Variants in CDH12 observed in about 807,000 individuals in gnomAD.
The protein encoded by CDH12 is cadherin-12.
CDH12 carries 41 observed loss-of-function variants against 74.1 expected under a neutral mutation model. The observed-to-expected ratio is 0.55, with a 90% CI of 0.43 to 0.72. The LOEUF is 0.72. Ranked by LOEUF, CDH12 falls within the 30% of genes least tolerant of loss-of-function variation. The pLI is 0.00. For synonymous variants in CDH12, 399 were observed against 355.0 expected (o/e 1.12, Z -1.39); for missense variants, 945 against 977.2 (o/e 0.97, Z 0.44).
At chr5:21,930,375 T>G (rs10473565) in intron 6 of CDH12, among the ~76,000 whole-genome samples, 107,777 of 152,068 alleles carry the variant, frequency 0.71, 39,969 homozygotes, top group East Asian at 0.93. Flanking sequence ...GAGAGTGATT[T>G]TACATTATGT....
intron 3 of CDH12, among the ~76,000 whole-genome samples, chr5:22,233,290 T>C (rs181713563): frequency 2.0e-5 from 3 of 149,952 alleles, no homozygotes; most frequent in African/African-American, 7.5e-5. Context: ...CATAGATACA[T>C]AGACAAGCAA....
At chr5:22,745,685 C>T (rs1045411580) in intron 1 of CDH12, among the ~76,000 whole-genome samples, 2 of 152,144 alleles carry the variant, frequency 1.3e-5, no homozygotes, top group Non-Finnish European at 2.9e-5. Flanking sequence ...TAAAATACCA[C>T]ATGCTCTCAC....
chr5:22,781,596 C>T (rs182179835), intron 1 of CDH12, among the ~76,000 whole-genome samples: 1 of 152,252 alleles, frequency 6.6e-6, no homozygotes, highest in Non-Finnish European at 1.5e-5. Flanking sequence ...AGCTGTTATT[C>T]TCAGCAGTAA....
chr5:22,792,725 T>G (rs1265005564), intron 1 of CDH12, among the ~76,000 whole-genome samples: 1 of 152,168 alleles, frequency 6.6e-6, no homozygotes, highest in African/African-American at 2.4e-5. Flanking sequence ...GTTGGGTTGA[T>G]CAAATACAAT....
chr5:21,751,473 GAAA>G lies in CDH12; in HGVS notation c.*261_*263del, dbSNP rs762059199. 2.6e-6 allele frequency: 1 copy of G among 389,602 alleles called. No individual in the cohort carries two copies. The highest frequency in any genetic ancestry group is 3.6e-5 in the South Asian group (1 of 27,426). 24.1% of individuals were successfully genotyped at this position (389,602 alleles called of 1,614,324 possible). On this transcript the variant is annotated 3_prime_UTR_variant, in exon 15 of 15. Coordinates refer to ENST00000382254, the MANE Select transcript of CDH12 (RefSeq NM_004061.5). ...CCTGAGCTTGTCTCAGTGTGATTGT[GAAA>G]AAACAAAACAACAAAACAAAGCAAG...
intron 3 of CDH12, among the ~76,000 whole-genome samples, chr5:22,286,694 A>G (rs373732447): frequency 6.8e-6 from 1 of 146,098 alleles, no homozygotes; most frequent in Admixed American, 6.9e-5. Flanking sequence ...TTTTTTTTTA[A>G]CTTCACTTAG....
rs188510324 is a variant in CDH12 at position 21,993,505 on chromosome 5, G to A, written c.232-18120C>T. ...AACACATACTCCAGCCAGCTTGGAA[G>A]AAAGCAAATACATGTGTTAAAGCTG... On this transcript the variant is annotated intron_variant, in intron 5 of 14. Transcript: ENST00000382254. Among the ~76,000 whole-genome samples the A allele has an allele frequency of 6.8e-3, 1,037 of 152,304 alleles. 5 individuals carry two copies. The highest frequency in any genetic ancestry group is 9.8e-3 in the Non-Finnish European group (668 of 68,036).
At chr5:22,530,125 G>A (rs1002399346) in intron 1 of CDH12, among the ~76,000 whole-genome samples, 7 of 152,060 alleles carry the variant, frequency 4.6e-5, no homozygotes, top group African/African-American at 1.4e-4. Flanking sequence ...GCAATTTTAA[G>A]TAAAATTCAA....
intron 1 of CDH12, among the ~76,000 whole-genome samples, chr5:22,553,751 T>A (rs752465427): frequency 2.0e-5 from 3 of 152,116 alleles, no homozygotes; most frequent in Non-Finnish European, 4.4e-5. Flanking sequence ...AGGGACCAGT[T>A]TCACGGAAGA....
At chr5:22,083,407 G>A (rs1416167056) in intron 4 of CDH12, among the ~76,000 whole-genome samples, 1 of 152,094 alleles carries the variant, frequency 6.6e-6, no homozygotes, top group Admixed American at 6.6e-5. Flanking sequence ...GGGTGGAGTG[G>A]TGGCGTAAAG....
At position 22,053,072 on chromosome 5, in the gene CDH12, G is replaced by GTT. The variant is rs1197764898; in HGVS notation, c.231+25372_231+25373dup. On this transcript the variant is annotated intron_variant, in intron 5 of 14. Coordinates refer to ENST00000382254, the MANE Select transcript of CDH12 (RefSeq NM_004061.5). Reference sequence around the variant, plus strand: ...ATACTGAGGGTCTCTCGTTTTTTTTGTTTTTTTTTTTTAAATCATTCCAGA... The same window carrying GTT: ...ATACTGAGGGTCTCTCGTTTTTTTTGTTTTTTTTTTTTTTAAATCATTCCAGA... Among the ~76,000 whole-genome samples the GTT allele has an allele frequency of 4.7e-3, 659 of 140,532 alleles. 3 individuals are homozygous for GTT. The highest frequency in any genetic ancestry group is 0.016 in the African/African-American group (618 of 38,702). The allele number at this position is 140,532 out of a possible 152,430, so 92.2% of individuals were successfully genotyped here. A position where few individuals can be genotyped will look rare whatever the true frequency, so the allele number is the denominator to read the frequency against.
chr5:21,957,618 G>GA (rs1756159652), intron 6 of CDH12, among the ~76,000 whole-genome samples: 1 of 152,122 alleles, frequency 6.6e-6, no homozygotes, highest in South Asian at 2.1e-4. Flanking sequence ...TAACTGGTAT[G>GA]AAATTATATT....
chr5:22,552,947 C>T (rs556876), intron 1 of CDH12, among the ~76,000 whole-genome samples: 103,015 of 151,962 alleles, frequency 0.68, 36,062 homozygotes, highest in East Asian at 0.88. Context: ...CATGAATTAA[C>T]ATTCTTTTCA....
At chr5:21,828,678 TTCTG>T (rs1046899923) in intron 8 of CDH12, among the ~76,000 whole-genome samples, 7 of 152,216 alleles carry the variant, frequency 4.6e-5, no homozygotes, top group African/African-American at 1.7e-4. Flanking sequence ...GGTTTACATT[TTCTG>T]TCTTTTCCCG....
chr5:22,770,969 A>G (rs1285296311), intron 1 of CDH12, among the ~76,000 whole-genome samples: 1 of 152,062 alleles, frequency 6.6e-6, no homozygotes, highest in African/African-American at 2.4e-5. Context: ...CATACACTGT[A>G]CCACGCTAAG....
chr5:22,061,221 A>C (rs1741166685), intron 5 of CDH12, among the ~76,000 whole-genome samples: 2 of 152,182 alleles, frequency 1.3e-5, no homozygotes, highest in African/African-American at 4.8e-5. Context: ...CACAGGTAGA[A>C]ATAATATGCT....
chr5:22,090,579 C>G (rs1743354732), intron 4 of CDH12, among the ~76,000 whole-genome samples: 1 of 148,006 alleles, frequency 6.8e-6, no homozygotes, highest in Non-Finnish European at 1.5e-5. Flanking sequence ...CAACACTTGA[C>G]AAGATAAACA....
At chr5:22,735,858 T>C (rs1048720789) in intron 1 of CDH12, among the ~76,000 whole-genome samples, 5 of 151,900 alleles carry the variant, frequency 3.3e-5, no homozygotes, top group African/African-American at 1.2e-4. Context: ...GTTGGAGTTA[T>C]TGAAAATTAA....
At chr5:22,606,377 C>T (rs1226746990) in intron 1 of CDH12, among the ~76,000 whole-genome samples, 6 of 152,092 alleles carry the variant, frequency 3.9e-5, no homozygotes, top group Non-Finnish European at 7.4e-5. Flanking sequence ...GGTTTAGCTC[C>T]GTGTCCCCAC....
Sources: gnomAD v4.1 joint callset for allele counts (sites outside exome capture counted in the v4.1 genomes callset) on GRCh38, gnomAD v4.1.1 for gene constraint, MANE v1.5 for transcripts, NCBI Gene and HGNC (gene_info 2026-07-23, HGNC 2026-07-21) for gene names.